The following TRPM2 variants were observed in gnomAD, a reference collection of about 807,000 sequenced individuals.
TRPM2 encodes the protein transient receptor potential cation channel subfamily M member 2, also known as estrogen-responsive element-associated gene 1 protein.
In TRPM2, 161 loss-of-function variants were observed where a neutral mutation model predicts 174.0. The observed-to-expected ratio is 0.93, with a 90% CI of 0.81 to 1.05. TRPM2 has a LOEUF of 1.05. Ranked by LOEUF, TRPM2 falls within the 50% of genes least tolerant of loss-of-function variation. The pLI is 0.00. For missense variants in TRPM2, 2,057 were observed against 2,038.0 expected (o/e 1.01, Z -0.18); for synonymous variants, 954 against 861.3 (o/e 1.11, Z -1.88).
intron 27 of TRPM2, among the ~76,000 whole-genome samples, chr21:44,434,521 G>C (rs115850024): frequency 6.6e-6 from 1 of 152,048 alleles, no homozygotes; most frequent in Non-Finnish European, 1.5e-5. Context: ...TCTTCCTTCT[G>C]TTTTAGTGGT....
chr21:44,414,098 G>C (rs376188494), intron 20 of TRPM2, 24 bp downstream of exon 20: 8 of 1,599,158 alleles, frequency 5.0e-6, no homozygotes, highest in Non-Finnish European at 6.8e-6. Context: ...TGGGGCTGGC[G>C]TGCAGGTGGG....
At position 44,353,782 on chromosome 21, in the gene TRPM2, G is replaced by C. The variant is rs1315819349; in HGVS notation, c.82G>C (p.Gly28Arg). ...GCTGCCCAGAAGGGTCACTGACCTG[G>C]GGATGGTCTCCAATCTCCGGCGCAG... ...EGLPRRVTDLGMVSNLRRSNS... is the reference protein window; with the variant it reads ...EGLPRRVTDLRMVSNLRRSNS... The change falls in exon 1 of 32, where the codon GGG becomes CGG. Residue 28 changes from glycine to arginine, a missense_variant. Coordinates refer to ENST00000397928, the MANE Select transcript of TRPM2 (RefSeq NM_003307.4). 7 of 1,603,802 alleles carry C rather than the reference G, an allele frequency of 4.4e-6. No homozygotes were observed. The highest frequency in any genetic ancestry group is 6.0e-6 in the Non-Finnish European group (7 of 1,175,804).
chr21:44,408,551 A>G (rs1479278332), intron 19 of TRPM2, among the ~76,000 whole-genome samples: 1 of 150,658 alleles, frequency 6.6e-6, no homozygotes, highest in Admixed American at 6.6e-5. Flanking sequence ...TGTCGCTTTG[A>G]CGGGCATTTC....
chr21:44,424,336 C>T (rs564050005), intron 23 of TRPM2, among the ~76,000 whole-genome samples: 2 of 152,332 alleles, frequency 1.3e-5, no homozygotes, highest in Non-Finnish European at 2.9e-5. Flanking sequence ...CTGCCCAGGC[C>T]GCCCTCTACC....
intron 12 of TRPM2, among the ~76,000 whole-genome samples, chr21:44,396,544 G>A (rs1197432572): frequency 3.3e-5 from 1 of 30,584 alleles, no homozygotes; most frequent in African/African-American, 1.8e-4. Context: ...GGAGGCTGTG[G>A]AGGGGTGTGG....
In TRPM2 at chr21:44,395,690, AGGGC is replaced by A. The variant is rs2049332825; in HGVS notation, c.1932+140_1932+143del. 9 of 388,906 alleles carry A rather than the reference AGGGC, an allele frequency of 2.3e-5. 3 individuals carry two copies. Among genetic ancestry groups the A allele is most frequent in the East Asian group, 8.6e-5 (2 of 23,218 alleles). 24.1% of individuals were successfully genotyped at this position (388,906 alleles called of 1,614,324 possible). ...TGTGGAGGGGTGTGGAGGGGTGTGG[AGGGC>A]TGTGGAGGATGTGGAGGGGTGTGGA... On this transcript the variant is annotated intron_variant, in intron 12 of 31. Transcript: ENST00000397928.
rs1360101367 is a variant in TRPM2 at position 44,427,106 on chromosome 21, G to A, written c.3969G>A (p.Leu1323=). The part of the protein sequence containing the change: ...FHGPYTVQAG[L]PLNPMGRTGL... Reference sequence around the variant, plus strand: ...GGCCGTACACAGTGCAGGCCGGGTTGCCCCTGTGAGTGTGCCCCCTGCGGG... The same window carrying A: ...GGCCGTACACAGTGCAGGCCGGGTTACCCCTGTGAGTGTGCCCCCTGCGGG... Residue 1323 remains leucine, a synonymous_variant, in exon 27 of 32, where the codon TTG becomes TTA. Transcript: ENST00000397928. 2 of 1,588,986 alleles carry A rather than the reference G, an allele frequency of 1.3e-6. No individual in the cohort carries two copies. Among genetic ancestry groups the A allele is most frequent in the African/African-American group, 1.3e-5 (1 of 74,742 alleles).
chr21:44,357,881 A>G (rs55712486), intron 2 of TRPM2, among the ~76,000 whole-genome samples: 24,559 of 152,066 alleles, frequency 0.16, 2,282 homozygotes, highest in Non-Finnish European at 0.2. Flanking sequence ...TCATCTCACC[A>G]ACCACGGTGG....
At chr21:44,387,258 G>T (rs2049041657) in intron 9 of TRPM2, among the ~76,000 whole-genome samples, 1 of 152,136 alleles carries the variant, frequency 6.6e-6, no homozygotes, top group Non-Finnish European at 1.5e-5. Flanking sequence ...TCGCATATAT[G>T]GTCAAATGAT....
rs1170656288 is a variant in TRPM2 at position 44,399,918 on chromosome 21, C to T, written c.2209-341C>T. ...TTGGAGCGCCGAGCTATTGCCAAGT[C>T]CATGAGCTCCCGTCATGTCCTGGGC... On this transcript the variant is annotated intron_variant, in intron 14 of 31. Transcript: ENST00000397928. The surrounding 1 kb of genome is among the most constrained non-coding windows in gnomAD (Gnocchi z 4.6). Among the ~76,000 whole-genome samples the T allele has an allele frequency of 6.6e-6, 1 of 152,168 alleles. No homozygotes were observed. The highest frequency in any genetic ancestry group is 6.6e-5 in the Admixed American group (1 of 15,266).
At position 44,379,050 on chromosome 21, in the gene TRPM2, G is replaced by C. The variant is rs767948120; in HGVS notation, c.1068G>C (p.Ser356=). Reference sequence around the variant, plus strand: ...CCCCCTGTGTGGTTGTGGAGGGCTCGGGCCGCGTGGCCGACGTCATTGCCC... The same window carrying C: ...CCCCCTGTGTGGTTGTGGAGGGCTCCGGCCGCGTGGCCGACGTCATTGCCC... ...NGTPCVVVEG[S]GRVADVIAQV... Residue 356 remains serine (S), a synonymous_variant, in exon 8 of 32, where the codon TCG becomes TCC. Coordinates refer to ENST00000397928, the MANE Select transcript of TRPM2 (RefSeq NM_003307.4). The C allele has an allele frequency of 6.2e-6, 10 of 1,611,134 alleles. No homozygotes were observed. In the African/African-American group the frequency reaches 9.3e-5, roughly 15 times the overall value.
intron 5 of TRPM2, among the ~76,000 whole-genome samples, chr21:44,373,642 A>G (rs2048610353): frequency 6.7e-6 from 1 of 149,438 alleles, no homozygotes; most frequent in South Asian, 2.1e-4. Context: ...CGACCCGGAT[A>G]GGCTGAGAAT....
chr21:44,401,276 C>T (rs1449798286), intron 15 of TRPM2, among the ~76,000 whole-genome samples: 2 of 152,214 alleles, frequency 1.3e-5, no homozygotes, highest in South Asian at 2.1e-4. Context: ...GCAAGGAAAG[C>T]CTGTCCCCAT....
chr21:44,417,826 C>T, intron 20 of TRPM2, 101 bp from the exon 21 acceptor site: 1 of 1,272,936 alleles, frequency 7.9e-7, no homozygotes, highest in South Asian at 1.4e-5. Context: ...GTGGGCGTGG[C>T]TCTGCTCTCT....
At chr21:44,380,412 G>A (rs925165195) in intron 8 of TRPM2, among the ~76,000 whole-genome samples, 5 of 152,176 alleles carry the variant, frequency 3.3e-5, no homozygotes, top group Non-Finnish European at 5.9e-5. Flanking sequence ...CTTGTCGGGC[G>A]GGCCCTGGAG....
chr21:44,379,616 G>A (rs1328956010), intron 8 of TRPM2, among the ~76,000 whole-genome samples: 1 of 152,254 alleles, frequency 6.6e-6, no homozygotes, highest in Non-Finnish European at 1.5e-5. Flanking sequence ...GTTAATGGAG[G>A]CATGTAGAGT....
chr21:44,409,948 C>T (rs1470818501), intron 19 of TRPM2, among the ~76,000 whole-genome samples: 1 of 146,584 alleles, frequency 6.8e-6, no homozygotes, highest in Non-Finnish European at 1.5e-5. Flanking sequence ...TCTTGGTTGG[C>T]GTAGCCTTGT....
chr21:44,385,458 T>C (rs568184115), intron 9 of TRPM2, among the ~76,000 whole-genome samples: 1 of 152,226 alleles, frequency 6.6e-6, no homozygotes, highest in African/African-American at 2.4e-5. Context: ...ACAAATGAAA[T>C]CTTTTCCTCC....
intron 7 of TRPM2, among the ~76,000 whole-genome samples, chr21:44,378,406 C>T (rs1049864520): frequency 6.6e-6 from 1 of 152,176 alleles, no homozygotes; most frequent in Non-Finnish European, 1.5e-5. Flanking sequence ...TTCATGATTG[C>T]AGGAGGTCAA....
Sources: allele counts gnomAD v4.1 joint callset (sites outside exome capture counted in the v4.1 genomes callset), GRCh38; gene constraint gnomAD v4.1.1; non-coding constraint Gnocchi (gnomAD v3.1); transcripts MANE v1.5; gene names NCBI Gene and HGNC (gene_info 2026-07-23, HGNC 2026-07-21).